IKZF2: variants seen among roughly 807,000 people sequenced by gnomAD.
The protein encoded by IKZF2 is zinc finger protein Helios.
A neutral mutation model predicts 49.2 loss-of-function variants in IKZF2; 15 were observed. That is an observed-to-expected ratio of 0.30 (90% CI 0.20 to 0.47). The LOEUF is 0.47. Among genes scored for constraint, IKZF2 ranks in the 20% least tolerant of loss-of-function variants. IKZF2 has a pLI of 1.00. For synonymous variants in IKZF2, 227 were observed against 221.4 expected (o/e 1.03, Z -0.23); for missense variants, 567 against 664.6 (o/e 0.85, Z 1.61).
chr2:213,056,627 C>A lies in IKZF2; in HGVS notation c.406+206G>T, dbSNP rs950103199. ...ACTGTGGAAACTGAATCCCAAACTT[C>A]TTTTCTGATATGCTATTCAGATTTG... is the stretch of plus-strand genomic sequence containing the variant. On this transcript the variant is annotated intron_variant, in intron 5 of 8. Transcript: ENST00000434687. The A allele has an allele frequency of 1.6e-5, 11 of 695,704 alleles. No individual in the cohort carries two copies. The East Asian group carries it at 2.4e-4, about 15-fold the overall frequency. 43.1% of individuals were successfully genotyped at this position (695,704 alleles called of 1,614,324 possible). A position where few individuals can be genotyped will look rare whatever the true frequency, so the allele number is the denominator to read the frequency against.
At position 213,004,409 on chromosome 2, in the gene IKZF2, CAG is replaced by C. The variant is rs1695154749; in HGVS notation, c.*2949_*2950del. 6.6e-6 allele frequency: 1 copy of C among 151,794 alleles called. No homozygotes were observed. Among genetic ancestry groups the C allele is most frequent in the Non-Finnish European group, 1.5e-5 (1 of 67,878 alleles). 9.4% of individuals were successfully genotyped at this position (151,794 alleles called of 1,614,324 possible). A position where few individuals can be genotyped will look rare whatever the true frequency, so the allele number is the denominator to read the frequency against. On this transcript the variant is annotated 3_prime_UTR_variant, in exon 9 of 9. Transcript: ENST00000434687. The stretch of plus-strand genomic sequence containing the variant: ...GCTTTTGAGCATGATTCATCACTGT[CAG>C]AGAGAGGCTAAGATAAAATTCTGGG...
intron 4 of IKZF2, among the ~76,000 whole-genome samples, chr2:213,080,777 T>C (rs1703858350): frequency 6.6e-6 from 1 of 152,064 alleles, no homozygotes; most frequent in Admixed American, 6.5e-5. Context: ...ATACCACACA[T>C]ATCACTGACT....
Position 213,004,752 on chromosome 2 carries a change from A to G in IKZF2, c.*2608T>C, listed in dbSNP as rs146435885. ...CAAATTTGAATTGACTTTGTCCTCA[A>G]TTGTCCCTGCCACACCCTGAGCCAT... On this transcript the variant is annotated 3_prime_UTR_variant, in exon 9 of 9. Transcript: ENST00000434687. 1 of 152,106 alleles carries G rather than the reference A, an allele frequency of 6.6e-6. No homozygotes were observed. The highest frequency in any genetic ancestry group is 1.5e-5 in the Non-Finnish European group (1 of 67,936). 9.4% of individuals were successfully genotyped at this position (152,106 alleles called of 1,614,324 possible).
At chr2:213,103,929 TAA>T (rs1268515445) in intron 4 of IKZF2, among the ~76,000 whole-genome samples, 2 of 152,170 alleles carry the variant, frequency 1.3e-5, no homozygotes, top group African/African-American at 2.4e-5. Context: ...ATGTATTGAA[TAA>T]AAGTGATGAT....
chr2:213,062,041 T>C (rs1701744917), intron 4 of IKZF2, among the ~76,000 whole-genome samples: 1 of 151,574 alleles, frequency 6.6e-6, no homozygotes, highest in Non-Finnish European at 1.5e-5. Context: ...ATATGAATTC[T>C]CAATTTTTAA....
intron 4 of IKZF2, among the ~76,000 whole-genome samples, chr2:213,087,005 A>G (rs1704693931): frequency 6.6e-6 from 1 of 152,144 alleles, no homozygotes; most frequent in African/African-American, 2.4e-5. Flanking sequence ...GAGAATATCA[A>G]TATAATATTC....
intron 4 of IKZF2, among the ~76,000 whole-genome samples, chr2:213,118,477 A>G (rs1219580503): frequency 1.3e-5 from 2 of 152,212 alleles, no homozygotes; most frequent in African/African-American, 2.4e-5. Context: ...TTGTAAAACT[A>G]TAACTAGAAG....
At chr2:213,030,950 T>C (rs199535310) in intron 6 of IKZF2, among the ~76,000 whole-genome samples, 2 of 151,914 alleles carry the variant, frequency 1.3e-5, no homozygotes, top group Middle Eastern at 3.2e-3. Context: ...CTCAGCCTCC[T>C]GAGTAGCTGG....
At chr2:213,058,484 G>A (rs906649860) in intron 4 of IKZF2, among the ~76,000 whole-genome samples, 2 of 151,832 alleles carry the variant, frequency 1.3e-5, no homozygotes, top group Admixed American at 1.3e-4. Context: ...TGGATATATA[G>A]TGCTCTATTT....
intron 4 of IKZF2, among the ~76,000 whole-genome samples, chr2:213,143,170 G>A (rs181397042): frequency 6.6e-6 from 1 of 151,962 alleles, no homozygotes; most frequent in East Asian, 1.9e-4. Context: ...AGAAGAGCAC[G>A]GAACCCAGAG....
At chr2:213,032,295 A>G (rs1032713279) in intron 6 of IKZF2, among the ~76,000 whole-genome samples, 1 of 152,242 alleles carries the variant, frequency 6.6e-6, no homozygotes, top group Admixed American at 6.5e-5. Context: ...GTTCCACCCC[A>G]TCACAATAAA....
chr2:213,147,934 C>T (rs566689647), intron 3 of IKZF2, 122 bp from the exon 4 acceptor site: 3 of 666,072 alleles, frequency 4.5e-6, no homozygotes, highest in Non-Finnish European at 7.9e-6. Context: ...ATACATTTTT[C>T]CCTTAGAAAC....
chr2:213,122,516 C>T (rs919512048), intron 4 of IKZF2, among the ~76,000 whole-genome samples: 2 of 152,268 alleles, frequency 1.3e-5, no homozygotes, highest in Non-Finnish European at 1.5e-5. Context: ...GAAAAAGACC[C>T]TATGACATAA....
At chr2:213,097,282 G>A (rs778695140) in intron 4 of IKZF2, among the ~76,000 whole-genome samples, 4 of 151,752 alleles carry the variant, frequency 2.6e-5, no homozygotes, top group Non-Finnish European at 5.9e-5. Context: ...ATTTCAAAAT[G>A]TTTTATTAGT....
At chr2:213,009,030 C>T (rs927101945) in intron 8 of IKZF2, among the ~76,000 whole-genome samples, 10 of 151,946 alleles carry the variant, frequency 6.6e-5, no homozygotes, top group East Asian at 1.9e-4. Context: ...CTCATAAACT[C>T]GGAAAATCTT....
intron 4 of IKZF2, among the ~76,000 whole-genome samples, chr2:213,134,275 G>C (rs889416763): frequency 3.9e-5 from 6 of 152,032 alleles, no homozygotes; most frequent in African/African-American, 1.2e-4. Context: ...CCCAAGAGGG[G>C]GAAAAAAAGC....
chr2:213,116,317 C>A (rs1446941225), intron 4 of IKZF2, among the ~76,000 whole-genome samples: 1 of 152,170 alleles, frequency 6.6e-6, no homozygotes, highest in Non-Finnish European at 1.5e-5. Flanking sequence ...ATTATACAAT[C>A]CCATCCATTT....
At chr2:213,038,425 A>G (rs1699264032) in intron 6 of IKZF2, among the ~76,000 whole-genome samples, 1 of 152,166 alleles carries the variant, frequency 6.6e-6, no homozygotes. Context: ...CCAAGTACCT[A>G]ATTTTCAGAA....
intron 4 of IKZF2, among the ~76,000 whole-genome samples, chr2:213,124,278 A>T (rs1232286777): frequency 7.0e-6 from 1 of 143,688 alleles, no homozygotes; most frequent in Non-Finnish European, 1.5e-5. Flanking sequence ...ACACACACAC[A>T]CACACACACA....
Sources: allele counts gnomAD v4.1 joint callset (sites outside exome capture counted in the v4.1 genomes callset), GRCh38; gene constraint gnomAD v4.1.1; transcripts MANE v1.5; gene names NCBI Gene and HGNC (gene_info 2026-07-23, HGNC 2026-07-21).